The following RFX2 variants were observed in gnomAD, a reference collection of about 807,000 sequenced individuals.
RFX2 encodes the protein regulatory factor X2, also known as DNA-binding protein RFX2.
RFX2 carries 20 observed loss-of-function variants against 87.8 expected under a neutral mutation model. That is an observed-to-expected ratio of 0.23 (90% CI 0.16 to 0.33). The LOEUF is 0.33. RFX2 is among the 10% of genes least tolerant of loss of function. The probability of loss-of-function intolerance (pLI) is 1.00; values close to 1 mark genes in which losing one functional copy is unlikely to be tolerated. For synonymous variants in RFX2, 397 were observed against 431.3 expected, an observed-to-expected ratio of 0.92 and a Z score of 0.98; for missense variants, 767 against 1,012.3, an observed-to-expected ratio of 0.76 and a Z score of 3.29.
intron 1 of RFX2, among the ~76,000 whole-genome samples, chr19:6,075,169 C>G (rs2087673260): frequency 6.6e-6 from 1 of 152,166 alleles, no homozygotes; most frequent in South Asian, 2.1e-4. Context: ...AGATGTGTGT[C>G]TGTTGTTTAC....
At position 6,027,123 on chromosome 19, in the gene RFX2, T is replaced by C. The variant is rs1014131204; in HGVS notation, c.523-886A>G. ...ACCAGAGGACTGAAGCGGGAGGAGATGAACTTGAAGTATATGCTTCCTTTC... is the reference window on the plus strand; with the variant it reads ...ACCAGAGGACTGAAGCGGGAGGAGACGAACTTGAAGTATATGCTTCCTTTC... On this transcript the variant is annotated intron_variant, in intron 5 of 17. Coordinates refer to ENST00000303657, the MANE Select transcript of RFX2 (RefSeq NM_000635.4). The surrounding 1 kb of genome is among the most constrained non-coding windows in gnomAD (Gnocchi z 5.0). 22 of 152,226 alleles carry C rather than the reference T, an allele frequency of 1.4e-4. No homozygotes were observed. The highest frequency in any genetic ancestry group is 5.1e-4 in the African/African-American group (21 of 41,422). 9.4% of individuals were successfully genotyped at this position (152,226 alleles called of 1,614,324 possible). A position where few individuals can be genotyped will look rare whatever the true frequency, so the allele number is the denominator to read the frequency against.
At chr19:6,035,324 A>G (rs1489869060) in intron 5 of RFX2, among the ~76,000 whole-genome samples, 1 of 152,108 alleles carries the variant, frequency 6.6e-6, no homozygotes, top group African/African-American at 2.4e-5. Context: ...GACACAACCC[A>G]AACAGTAAAA....
intron 5 of RFX2, among the ~76,000 whole-genome samples, chr19:6,029,585 T>C (rs1424034892): frequency 6.6e-6 from 1 of 152,126 alleles, no homozygotes; most frequent in Non-Finnish European, 1.5e-5. Flanking sequence ...GGTGGGCGTC[T>C]GTAATTCCAG....
At chr19:6,070,157 G>GAAATGT (rs2087581558) in intron 1 of RFX2, among the ~76,000 whole-genome samples, 1 of 64,496 alleles carries the variant, frequency 1.6e-5, no homozygotes. Flanking sequence ...GGATGTGGAT[G>GAAATGT]GGATGGGATG....
At chr19:6,075,689 G>C (rs2087682629) in intron 1 of RFX2, among the ~76,000 whole-genome samples, 1 of 152,172 alleles carries the variant, frequency 6.6e-6, no homozygotes, top group Admixed American at 6.5e-5. Context: ...GGTCGAATCA[G>C]GCACCCAGTT....
rs1485128368 is a variant in RFX2 at position 6,074,477 on chromosome 19, T to C, written c.-8-26973A>G. Among the ~76,000 whole-genome samples, 1 of 152,178 alleles carries C rather than the reference T, an allele frequency of 6.6e-6. No homozygotes were observed. The highest frequency in any genetic ancestry group is 1.5e-5 in the Non-Finnish European group (1 of 68,034). On this transcript the variant is annotated intron_variant, in intron 1 of 17. Coordinates refer to ENST00000303657, the MANE Select transcript of RFX2 (RefSeq NM_000635.4). The surrounding 1 kb of genome is among the most constrained non-coding windows in gnomAD (Gnocchi z 5.2). ...GCCCATAACACACTCCCTCAGAGCC[T>C]GGACACTCAGCCATCGTTCATTCAT...
In RFX2 at chr19:6,039,443, T is replaced by A. The variant is rs1486509375; in HGVS notation, c.522+537A>T. On this transcript the variant is annotated intron_variant, in intron 5 of 17. Coordinates refer to ENST00000303657, the MANE Select transcript of RFX2 (RefSeq NM_000635.4). The surrounding 1 kb of genome is among the most constrained non-coding windows in gnomAD (Gnocchi z 5.2). Reference sequence around the variant, plus strand: ...ACACCAAAAAGTTGATTTTACTTTGTGTTAATTTAAGAAGGAAAATAAATG... The same window carrying A: ...ACACCAAAAAGTTGATTTTACTTTGAGTTAATTTAAGAAGGAAAATAAATG... 6.6e-6 allele frequency among the ~76,000 whole-genome samples: 1 copy of A among 152,234 alleles called. No homozygotes were observed. Among genetic ancestry groups the A allele is most frequent in the Non-Finnish European group, 1.5e-5 (1 of 68,046 alleles).
chr19:6,048,219 C>T (rs1003561541), intron 1 of RFX2, among the ~76,000 whole-genome samples: 2 of 152,214 alleles, frequency 1.3e-5, no homozygotes, highest in South Asian at 2.1e-4. Context: ...AAAGTCCTCA[C>T]GAATTTTGGC....
chr19:6,049,484 G>T (rs1568524726), intron 1 of RFX2, among the ~76,000 whole-genome samples: 1 of 152,200 alleles, frequency 6.6e-6, no homozygotes, highest in Non-Finnish European at 1.5e-5. Context: ...AAAGCAAGTT[G>T]TTCCACATCA....
intron 1 of RFX2, among the ~76,000 whole-genome samples, chr19:6,066,828 C>G (rs1484258339): frequency 6.6e-6 from 1 of 152,218 alleles, no homozygotes; most frequent in Non-Finnish European, 1.5e-5. Context: ...ACGCAGTCCA[C>G]TCCCGTTTCC....
intron 1 of RFX2, chr19:6,072,804 C>G (rs951743043): frequency 3.0e-6 from 3 of 1,009,372 alleles, no homozygotes; most frequent in African/African-American, 3.2e-5. Context: ...GAGGTGGCAG[C>G]TGTCTCCTCC....
chr19:6,034,991 T>C (rs1480274133), intron 5 of RFX2, among the ~76,000 whole-genome samples: 1 of 152,236 alleles, frequency 6.6e-6, no homozygotes, highest in East Asian at 1.9e-4. Context: ...GTTAAACTAA[T>C]AAAGTACAGT....
Position 6,019,444 on chromosome 19 carries a change from GTCT to G in RFX2, c.598-3176_598-3174del, listed in dbSNP as rs1379943575. Among the ~76,000 whole-genome samples, 14 of 151,552 alleles carry G rather than the reference GTCT, an allele frequency of 9.2e-5. No individual in the cohort carries two copies. In the East Asian group the frequency reaches 2.7e-3, roughly 29 times the overall value. On this transcript the variant is annotated intron_variant, in intron 6 of 17. Coordinates refer to ENST00000303657, the MANE Select transcript of RFX2 (RefSeq NM_000635.4). Reference sequence around the variant, plus strand: ...CCCTTAAGAGCTTAAGAGCTCCGGAGTCTTCCCTGTATTTAATGCTATGAATAC... The same window carrying G: ...CCCTTAAGAGCTTAAGAGCTCCGGAGTCCCTGTATTTAATGCTATGAATAC...
At chr19:6,093,738 C>A (rs1322717980) in intron 1 of RFX2, among the ~76,000 whole-genome samples, 3 of 151,100 alleles carry the variant, frequency 2.0e-5, no homozygotes, top group Admixed American at 1.3e-4. Flanking sequence ...AAAAAACACA[C>A]AAAAAAACCC....
At position 5,995,599 on chromosome 19, in the gene RFX2, A is replaced by G; in HGVS notation, c.2056+2T>C. 1 of 1,551,982 alleles carries G rather than the reference A, an allele frequency of 6.4e-7. No individual in the cohort carries two copies. The highest frequency in any genetic ancestry group is 8.7e-7 in the Non-Finnish European group (1 of 1,147,240). On this transcript the variant is annotated splice_donor_variant, in intron 17 of 17. Transcript: ENST00000303657. LOFTEE classifies it high-confidence loss of function. ...TGGTGGGAAAGCCGCAGACGCACCT[A>G]CCTTTGTCGAGCAGCGTCAGCGACA... is the stretch of plus-strand genomic sequence containing the variant.
chr19:6,096,738 A>G (rs938734861), intron 1 of RFX2, among the ~76,000 whole-genome samples: 7 of 152,206 alleles, frequency 4.6e-5, no homozygotes, highest in East Asian at 1.9e-4. Flanking sequence ...AAGGCACTGC[A>G]CCTGGCCTCG....
intron 16 of RFX2, 143 bp from the exon 17 acceptor site, chr19:5,995,786 C>T (rs749024184): frequency 1.3e-6 from 1 of 760,538 alleles, no homozygotes; most frequent in Non-Finnish European, 2.3e-6. Context: ...TGAAATGTGG[C>T]TCTGATGCTG....
At chr19:6,098,022 A>C (rs1173105818) in intron 1 of RFX2, among the ~76,000 whole-genome samples, 1 of 151,074 alleles carries the variant, frequency 6.6e-6, no homozygotes, top group Non-Finnish European at 1.5e-5. Context: ...TTCTTGAAAA[A>C]CCCTCTTTCT....
At chr19:6,033,393 GGTT>G (rs1265721956) in intron 5 of RFX2, among the ~76,000 whole-genome samples, 1 of 152,078 alleles carries the variant, frequency 6.6e-6, no homozygotes, top group Non-Finnish European at 1.5e-5. Flanking sequence ...ATTTGTCCCT[GGTT>G]GTCTTAACAG....
Sources: allele counts gnomAD v4.1 joint callset (sites outside exome capture counted in the v4.1 genomes callset), GRCh38; gene constraint gnomAD v4.1.1; non-coding constraint Gnocchi (gnomAD v3.1); transcripts MANE v1.5; gene names NCBI Gene and HGNC (gene_info 2026-07-23, HGNC 2026-07-21).